The following ODAD4 variants were observed in gnomAD, a reference collection of about 807,000 sequenced individuals.
ODAD4 encodes the protein outer dynein arm docking complex subunit 4, also known as outer dynein arm-docking complex subunit 4.
ODAD4 carries 49 observed loss-of-function variants against 51.8 expected under a neutral mutation model. That is an observed-to-expected ratio of 0.95 (90% CI 0.75 to 1.20). The LOEUF (loss-of-function observed/expected upper bound fraction) is 1.20, where lower values mean the gene tolerates loss of function less well. ODAD4 is among the 50% of genes most tolerant of loss of function. The probability of loss-of-function intolerance (pLI) is 0.00; values close to 1 mark genes in which losing one functional copy is unlikely to be tolerated. For synonymous variants in ODAD4, 235 were observed against 221.3 expected, an observed-to-expected ratio of 1.06 and a Z score of -0.55; for missense variants, 590 against 586.5, an observed-to-expected ratio of 1.01 and a Z score of -0.06.
Position 41,965,535 on chromosome 17 carries a change from G to A in ODAD4, c.*52G>A. 2.8e-6 allele frequency: 2 copies of A among 707,068 alleles called. No homozygotes were observed. The highest frequency in any genetic ancestry group is 5.1e-6 in the Non-Finnish European group (2 of 391,844). The allele number at this position is 707,068 out of a possible 1,614,324, so 43.8% of individuals were successfully genotyped here. On this transcript the variant is annotated 3_prime_UTR_variant, in exon 12 of 12. Coordinates refer to ENST00000377540, the MANE Select transcript of ODAD4 (RefSeq NM_031421.5). ...AAGCTGGTGTTCAGAGGGATCATGGGATTTTATTAAACTGGATTTTCAAGC... is the reference window on the plus strand; with the variant it reads ...AAGCTGGTGTTCAGAGGGATCATGGAATTTTATTAAACTGGATTTTCAAGC...
In ODAD4 at chr17:41,965,684, G is replaced by A; in HGVS notation, c.*201G>A. The A allele has an allele frequency of 1.9e-6, 1 of 537,734 alleles. No individual in the cohort carries two copies. Among genetic ancestry groups the A allele is most frequent in the Non-Finnish European group, 3.3e-6 (1 of 305,802 alleles). 33.3% of individuals were successfully genotyped at this position (537,734 alleles called of 1,614,324 possible). A position where few individuals can be genotyped will look rare whatever the true frequency, so the allele number is the denominator to read the frequency against. On this transcript the variant is annotated 3_prime_UTR_variant, in exon 12 of 12. Transcript: ENST00000377540. ...TCTGTCACTTTGCCTCTTCACCCCT[G>A]CCCATTCTTGGAAGAGCATCGTGGA...
At chr17:41,962,405 T>A (rs2050817194) in intron 11 of ODAD4, among the ~76,000 whole-genome samples, 1 of 152,042 alleles carries the variant, frequency 6.6e-6, no homozygotes, top group Admixed American at 6.6e-5. Context: ...GCCTTTGGGC[T>A]CTCCTTTCCT....
intron 8 of ODAD4, among the ~76,000 whole-genome samples, chr17:41,947,786 A>T (rs2050607292): frequency 6.6e-6 from 1 of 150,488 alleles, no homozygotes; most frequent in Non-Finnish European, 1.5e-5. Context: ...CAAGAGCGAA[A>T]CTCTGTCTCA....
chr17:41,945,070 C>G, intron 7 of ODAD4, 66 bp from the exon 8 acceptor site: 1 of 1,324,174 alleles, frequency 7.6e-7, no homozygotes, highest in East Asian at 2.4e-5. Flanking sequence ...TGCCTTCTTT[C>G]CTATTTCCAC....
intron 1 of ODAD4, 28 bp downstream of exon 1, chr17:41,930,865 AC>A (rs782050439): frequency 6.7e-6 from 2 of 299,792 alleles, no homozygotes; most frequent in South Asian, 2.6e-5. Context: ...CCTATCCATC[AC>A]CCCATCACCC....
At chr17:41,947,167 A>G (rs908412484) in intron 8 of ODAD4, among the ~76,000 whole-genome samples, 4 of 150,644 alleles carry the variant, frequency 2.7e-5, no homozygotes, top group Non-Finnish European at 4.4e-5. Context: ...TTCCAAATTA[A>G]TATTTTAATA....
intron 11 of ODAD4, among the ~76,000 whole-genome samples, chr17:41,964,581 C>T (rs1044883577): frequency 3.3e-5 from 5 of 152,164 alleles, no homozygotes; most frequent in Admixed American, 1.3e-4. Flanking sequence ...ATTCTCAGGG[C>T]CTTTCTCTCA....
Position 41,965,374 on chromosome 17 carries a change from A to C in ODAD4, c.1910A>C (p.Lys637Thr), listed in dbSNP as rs377325585. ...AGACAGGAACCAGAAGAACTAAAGA[A>C]ACTTTCAGAAGTGGGCAGAAGAGAG... ...FSRQEPEELK[K>T]LSEVGRREPE... is the part of the protein sequence containing the mutation. Residue 637 changes from lysine to threonine, a missense_variant, in exon 12 of 12, where the codon AAA (lysine) becomes ACA (threonine). By Grantham distance (78) the Lys-to-Thr change is moderately conservative. This residue lies in a region of ODAD4 where 226 missense variants were observed against 162.7 expected (regional missense o/e 1.39). Coordinates refer to ENST00000377540, the MANE Select transcript of ODAD4 (RefSeq NM_031421.5). 1.3e-6 allele frequency: 1 copy of C among 780,652 alleles called. No individual in the cohort carries two copies. The highest frequency in any genetic ancestry group is 1.7e-5 in the African/African-American group (1 of 59,140). 48.4% of individuals were successfully genotyped at this position (780,652 alleles called of 1,614,324 possible).
In ODAD4 at chr17:41,938,743, C is replaced by A. The variant is rs1317792821; in HGVS notation, c.812C>A (p.Ala271Asp). Residue 271 changes from alanine (A) to aspartate (D), a missense_variant, in exon 6 of 12, where the codon GCC (alanine) becomes GAC (aspartate). This residue lies in a region of ODAD4 where 360 missense variants were observed against 407.5 expected (regional missense o/e 0.88). Transcript: ENST00000377540. The stretch of plus-strand genomic sequence containing the variant: ...CACAAACGCCGTCCCTCACAGACAG[C>A]CCATTACATCCTCAAGAGCCTGGAG... ...RDHKRRPSQTAHYILKSLEDI... is the reference protein window; with the variant it reads ...RDHKRRPSQTDHYILKSLEDI... 1 of 1,613,496 alleles carries A rather than the reference C, an allele frequency of 6.2e-7. No individual in the cohort carries two copies. The highest frequency in any genetic ancestry group is 1.3e-5 in the African/African-American group (1 of 74,930).
chr17:41,952,243 T>C (rs1555640238), intron 9 of ODAD4, among the ~76,000 whole-genome samples: 2 of 150,180 alleles, frequency 1.3e-5, no homozygotes, highest in South Asian at 4.2e-4. Flanking sequence ...TGGTGCATGC[T>C]TGTAATCCAA....
chr17:41,957,355 A>C (rs1475348291), intron 10 of ODAD4, among the ~76,000 whole-genome samples: 1 of 152,130 alleles, frequency 6.6e-6, no homozygotes, highest in African/African-American at 2.4e-5. Flanking sequence ...AGGAGCATGC[A>C]ACATAGATCC....
chr17:41,936,953 G>T, intron 5 of ODAD4, 26 bp downstream of exon 5: 2 of 1,609,230 alleles, frequency 1.2e-6, no homozygotes, highest in South Asian at 2.2e-5. Context: ...TTGGCACGGG[G>T]CCTTGGGGGA....
chr17:41,943,581 C>T (rs2050536553), intron 7 of ODAD4, among the ~76,000 whole-genome samples: 1 of 152,194 alleles, frequency 6.6e-6, no homozygotes, highest in Admixed American at 6.5e-5. Context: ...CAGGGTGGAG[C>T]AGGAACAAAT....
At chr17:41,956,193 G>A (rs904714354) in intron 10 of ODAD4, among the ~76,000 whole-genome samples, 6 of 151,090 alleles carry the variant, frequency 4.0e-5, no homozygotes, top group Admixed American at 1.3e-4. Context: ...GATCACAGGC[G>A]CCCCCCCACC....
intron 9 of ODAD4, among the ~76,000 whole-genome samples, chr17:41,953,792 C>G (rs1412762480): frequency 1.3e-5 from 2 of 151,826 alleles, no homozygotes; most frequent in African/African-American, 4.8e-5. Flanking sequence ...CTCAGCCTCC[C>G]GAGTAGCTGG....
chr17:41,943,329 C>T lies in ODAD4; in HGVS notation c.1059-1807C>T, dbSNP rs2050532934. On this transcript the variant is annotated intron_variant, in intron 7 of 11. Transcript: ENST00000377540. ...GCACAGTGGCTCATGCCTGTAATTCCAGCACTTTGGGATGTCACACGTGTC... is the reference window on the plus strand; with the variant it reads ...GCACAGTGGCTCATGCCTGTAATTCTAGCACTTTGGGATGTCACACGTGTC... Among the ~76,000 whole-genome samples the T allele has an allele frequency of 1.3e-5, 2 of 152,186 alleles. 1 individual carries two copies. Among genetic ancestry groups the T allele is most frequent in the South Asian group, 4.1e-4 (2 of 4,822 alleles).
chr17:41,942,609 C>A (rs2050521850), intron 7 of ODAD4, among the ~76,000 whole-genome samples: 1 of 152,234 alleles, frequency 6.6e-6, no homozygotes, highest in African/African-American at 2.4e-5. Context: ...AGGAGACAGG[C>A]AGGTGGGAGC....
In ODAD4 at chr17:41,952,540, CAAAAAAAAAAAAAAAA is replaced by C. The variant is rs11369140; in HGVS notation, c.1343-2663_1343-2648del. The C allele has an allele frequency of 3.0e-3, 342 of 113,866 alleles. 1 individual carries two copies. The African/African-American group carries it at 0.038, about 13-fold the overall frequency. The allele number at this position is 113,866 out of a possible 1,614,324, so 7.1% of individuals were successfully genotyped here. Reference sequence around the variant, plus strand: ...CAGAGCGAGGCCCTGACCCTCACTCCAAAAAAAAAAAAAAAAAAAAAAAAAAAAACAGAAAGAATGA... The same window carrying C: ...CAGAGCGAGGCCCTGACCCTCACTCCAAAAAAAAAAAAACAGAAAGAATGA... On this transcript the variant is annotated intron_variant, in intron 9 of 11. Transcript: ENST00000377540.
intron 10 of ODAD4, among the ~76,000 whole-genome samples, chr17:41,959,137 C>T (rs1165947870): frequency 5.3e-5 from 8 of 152,186 alleles, no homozygotes; most frequent in African/African-American, 1.9e-4. Flanking sequence ...AGGCAGAGAC[C>T]AGGGGAGAAA....
Sources: gnomAD v4.1 joint callset for allele counts (sites outside exome capture counted in the v4.1 genomes callset) on GRCh38, gnomAD v4.1.1 for gene constraint, gnomAD v4.1.1 regional missense constraint, MANE v1.5 for transcripts, NCBI Gene and HGNC (gene_info 2026-07-23, HGNC 2026-07-21) for gene names.